The following FHIT variants were observed in gnomAD, a reference collection of about 807,000 sequenced individuals.
FHIT encodes the protein fragile histidine triad diadenosine triphosphatase.
FHIT carries 19 observed loss-of-function variants against 17.9 expected under a neutral mutation model. The ratio of observed to expected loss-of-function variants is 1.06; its 90% CI spans 0.74 to 1.56. FHIT has a LOEUF of 1.56. Ranked by LOEUF, FHIT falls within the 40% of genes most tolerant of loss-of-function variation. FHIT has a pLI of 0.00. For synonymous variants in FHIT, 81 were observed against 69.7 expected (o/e 1.16, Z -0.81); for missense variants, 248 against 189.2 (o/e 1.31, Z -1.82).
rs548848633 is a variant in FHIT, at chr3:60,653,981, C to T, written c.-17-117002G>A. On this transcript the variant is annotated intron_variant, in intron 4 of 9. Transcript: ENST00000492590. Reference sequence around the variant, plus strand: ...ATGGGGACAGATCCCTCATAAATGGCTTGGGCTATTTCCTTGGTGACAAGT... The same window carrying T: ...ATGGGGACAGATCCCTCATAAATGGTTTGGGCTATTTCCTTGGTGACAAGT... Among the ~76,000 whole-genome samples, 18 of 152,254 alleles carry T rather than the reference C, an allele frequency of 1.2e-4. No homozygotes were observed. The East Asian group carries it at 3.5e-3, about 29-fold the overall frequency.
intron 5 of FHIT, among the ~76,000 whole-genome samples, chr3:60,104,665 G>A (rs539885222): frequency 6.6e-6 from 1 of 151,916 alleles, no homozygotes; most frequent in African/African-American, 2.4e-5. Context: ...TCAATTAATG[G>A]CCTTAGAGAA....
intron 8 of FHIT, among the ~76,000 whole-genome samples, chr3:59,918,323 AG>A (rs1705234620): frequency 1.3e-5 from 2 of 152,200 alleles, no homozygotes; most frequent in Non-Finnish European, 2.9e-5. Context: ...TGGGGGATGC[AG>A]GTATTGAATA....
chr3:60,608,468 A>G (rs17063650), intron 4 of FHIT, among the ~76,000 whole-genome samples: 3,768 of 152,270 alleles, frequency 0.025, 154 homozygotes, highest in African/African-American at 0.086. Context: ...TAATATGTAC[A>G]TAAGTGTTCA....
At chr3:60,904,593 G>T (rs1425398072) in intron 3 of FHIT, among the ~76,000 whole-genome samples, 2 of 151,792 alleles carry the variant, frequency 1.3e-5, no homozygotes, top group African/African-American at 4.8e-5. Flanking sequence ...CATGATAGGA[G>T]AAAATATTTA....
At chr3:59,920,713 T>C (rs1246067292) in intron 8 of FHIT, among the ~76,000 whole-genome samples, 4 of 152,226 alleles carry the variant, frequency 2.6e-5, no homozygotes, top group African/African-American at 9.6e-5. Flanking sequence ...TTGGCAACAT[T>C]AACCTTAGTT....
At chr3:59,904,133 T>C (rs1464685157) in intron 8 of FHIT, among the ~76,000 whole-genome samples, 2 of 145,948 alleles carry the variant, frequency 1.4e-5, no homozygotes, top group Admixed American at 7.1e-5. Flanking sequence ...TATTTCTTTA[T>C]GATAAAGGTG....
At chr3:60,376,354 G>C (rs1371752693) in intron 5 of FHIT, among the ~76,000 whole-genome samples, 1 of 152,168 alleles carries the variant, frequency 6.6e-6, no homozygotes, top group East Asian at 1.9e-4. Flanking sequence ...AATACCAAAG[G>C]TTCATGTTAG....
chr3:60,780,729 A>G (rs1700357553), intron 4 of FHIT, among the ~76,000 whole-genome samples: 1 of 152,136 alleles, frequency 6.6e-6, no homozygotes, highest in Non-Finnish European at 1.5e-5. Context: ...CGGCAGCTGG[A>G]TGTACCTCTT....
At chr3:60,312,102 T>C (rs1480285503) in intron 5 of FHIT, among the ~76,000 whole-genome samples, 3 of 152,160 alleles carry the variant, frequency 2.0e-5, no homozygotes, top group African/African-American at 7.2e-5. Flanking sequence ...AACCTTTAAT[T>C]ATATATGTGT....
At chr3:60,107,548 T>C (rs1704478096) in intron 5 of FHIT, among the ~76,000 whole-genome samples, 1 of 152,200 alleles carries the variant, frequency 6.6e-6, no homozygotes, top group Non-Finnish European at 1.5e-5. Flanking sequence ...AGCAAGTCAG[T>C]ATGTGACTGG....
chr3:60,400,789 G>A (rs1217543907), intron 5 of FHIT, among the ~76,000 whole-genome samples: 1 of 152,118 alleles, frequency 6.6e-6, no homozygotes. Flanking sequence ...CTCTCTAAGT[G>A]AAATCTCAGT....
intron 3 of FHIT, among the ~76,000 whole-genome samples, chr3:61,020,551 A>G (rs1205564567): frequency 6.6e-6 from 1 of 152,202 alleles, no homozygotes; most frequent in African/African-American, 2.4e-5. Flanking sequence ...CTGGTATACC[A>G]TCCACTGCAA....
chr3:60,102,236 T>C (rs762867588), intron 5 of FHIT, among the ~76,000 whole-genome samples: 4 of 152,206 alleles, frequency 2.6e-5, no homozygotes, highest in Non-Finnish European at 5.9e-5. Context: ...ACGCTCAGTA[T>C]AGATTGAGGC....
intron 5 of FHIT, among the ~76,000 whole-genome samples, chr3:60,016,240 T>A (rs538508704): frequency 6.6e-6 from 1 of 152,242 alleles, no homozygotes; most frequent in Non-Finnish European, 1.5e-5. Flanking sequence ...GTGTGAAAAC[T>A]TGTGGAACTG....
chr3:60,222,099 GC>G (rs1396892527), intron 5 of FHIT, among the ~76,000 whole-genome samples: 3 of 152,062 alleles, frequency 2.0e-5, no homozygotes, highest in Non-Finnish European at 4.4e-5. Context: ...TGCTAGTTAA[GC>G]ATTTCCATCC....
chr3:60,440,799 T>C (rs150948322), intron 5 of FHIT, among the ~76,000 whole-genome samples: 18 of 152,202 alleles, frequency 1.2e-4, no homozygotes, highest in African/African-American at 4.3e-4. Flanking sequence ...AGTAGACTCT[T>C]TCACACACTC....
chr3:60,443,150 C>T (rs986097298), intron 5 of FHIT, among the ~76,000 whole-genome samples: 27 of 152,180 alleles, frequency 1.8e-4, no homozygotes, highest in African/African-American at 5.1e-4. Flanking sequence ...CTGAAGTTGC[C>T]TATCAGCTTA....
chr3:60,748,586 C>T (rs370455066), intron 4 of FHIT, among the ~76,000 whole-genome samples: 5 of 152,006 alleles, frequency 3.3e-5, no homozygotes, highest in African/African-American at 7.2e-5. Context: ...CCGAGGTGGG[C>T]GGATCACTTG....
At chr3:60,701,156 CTTTGT>C (rs1383143883) in intron 4 of FHIT, among the ~76,000 whole-genome samples, 1 of 147,274 alleles carries the variant, frequency 6.8e-6, no homozygotes, top group Non-Finnish European at 1.5e-5. Context: ...CAGGATCTCC[CTTTGT>C]TGTCCAGGCT....
Sources: allele counts gnomAD v4.1 joint callset (sites outside exome capture counted in the v4.1 genomes callset), GRCh38; gene constraint gnomAD v4.1.1; transcripts MANE v1.5; gene names NCBI Gene and HGNC (gene_info 2026-07-23, HGNC 2026-07-21).